Variants in WNK1 observed in about 807,000 individuals in gnomAD.
WNK1 encodes the protein WNK lysine deficient protein kinase 1.
Under a neutral mutation model 222.8 loss-of-function variants are expected in WNK1, and 38 were observed. The ratio of observed to expected loss-of-function variants is 0.17; its 90% CI spans 0.13 to 0.22. The LOEUF (loss-of-function observed/expected upper bound fraction) is 0.22, where lower values mean the gene tolerates loss of function less well. Among genes scored for constraint, WNK1 ranks in the 10% least tolerant of loss-of-function variants. WNK1 has a pLI of 1.00. For missense variants in WNK1, 2,348 were observed against 2,918.4 expected (o/e 0.80, Z 4.50); for synonymous variants, 1,090 against 1,092.9 (o/e 1.00, Z 0.05).
At chr12:881,143 A>G (rs1259071854) in intron 12 of WNK1, 144 bp downstream of exon 12, 1 of 1,101,284 alleles carries the variant, frequency 9.1e-7, no homozygotes, top group Non-Finnish European at 1.3e-6. Context: ...TTTTTCTTAC[A>G]GCAGAATGAA....
chr12:884,239 T>A lies in WNK1; in HGVS notation c.3840T>A (p.Asp1280Glu). Residue 1280 changes from aspartate (D) to glutamate (E), a missense_variant, in exon 18 of 28, where the codon GAT (aspartate) becomes GAA (glutamate). Asp to Glu is a conservative substitution (Grantham distance 45). Transcript: ENST00000315939. The surrounding 1 kb of genome is among the most constrained non-coding windows in gnomAD (Gnocchi z 5.6). ...ESKVFPSEIT[D>E]TVAASTAQSP... ...AAGTTTTCCCCAGTGAAATAACAGA[T>A]ACAGGTAAGGGATTGATTCTGCCAC... The A allele has an allele frequency of 3.1e-6, 5 of 1,614,098 alleles. No homozygotes were observed. Among genetic ancestry groups the A allele is most frequent in the Non-Finnish European group, 3.4e-6 (4 of 1,179,964 alleles).
At chr12:867,953 T>C in intron 8 of WNK1, 1 of 1,614,010 alleles carries the variant, frequency 6.2e-7, no homozygotes, top group Non-Finnish European at 8.5e-7. Context: ...ACGTCCAGTT[T>C]CTTTTTCACC....
At chr12:794,994 C>T (rs1945171600) in intron 1 of WNK1, among the ~76,000 whole-genome samples, 1 of 152,096 alleles carries the variant, frequency 6.6e-6, no homozygotes. Context: ...TCAAGTGATC[C>T]TCCTGCCTTG....
chr12:877,596 A>G (rs1466532352), intron 9 of WNK1, among the ~76,000 whole-genome samples: 1 of 152,202 alleles, frequency 6.6e-6, no homozygotes, highest in African/African-American at 2.4e-5. Context: ...TTAAAAAATA[A>G]TGTCCTTGTT....
At chr12:809,737 A>G (rs931171731) in intron 1 of WNK1, among the ~76,000 whole-genome samples, 1 of 152,194 alleles carries the variant, frequency 6.6e-6, no homozygotes, top group African/African-American at 2.4e-5. Flanking sequence ...CTGTTATACC[A>G]TATAGGCCTA....
At chr12:813,511 T>TA (rs1354825711) in intron 1 of WNK1, 131 bp from the exon 2 acceptor site, 5 of 919,274 alleles carry the variant, frequency 5.4e-6, no homozygotes, top group Admixed American at 4.8e-5. Flanking sequence ...ATCTATCATT[T>TA]ATAACTTCAG....
At chr12:900,760 T>G in intron 26 of WNK1, 90 bp downstream of exon 26, 1 of 1,476,046 alleles carries the variant, frequency 6.8e-7, no homozygotes. Context: ...GTTGGGAGAC[T>G]AGCTGACCAG....
At chr12:794,243 C>A (rs1047501398) in intron 1 of WNK1, among the ~76,000 whole-genome samples, 1 of 152,076 alleles carries the variant, frequency 6.6e-6, no homozygotes, top group African/African-American at 2.4e-5. Flanking sequence ...TTTATATTAA[C>A]ATATACTTGA....
rs765053591 is a variant in WNK1 at position 884,611 on chromosome 12, A to G, written c.3845-38A>G. The stretch of plus-strand genomic sequence containing the variant: ...ACAATCTTTTGAATCCATCCTTTTA[A>G]AATCAGCTGATTCTTATCTTTTTGT... On this transcript the variant is annotated intron_variant, in intron 18 of 27. Coordinates refer to ENST00000315939, the MANE Select transcript of WNK1 (RefSeq NM_018979.4). The surrounding 1 kb of genome is among the most constrained non-coding windows in gnomAD (Gnocchi z 5.6). 4.4e-6 allele frequency: 7 copies of G among 1,594,350 alleles called. No individual in the cohort carries two copies. In the South Asian group the frequency reaches 7.7e-5, roughly 18 times the overall value.
chr12:868,707 AGGT>A, intron 8 of WNK1: 2 of 1,613,940 alleles, frequency 1.2e-6, no homozygotes, highest in Non-Finnish European at 1.7e-6. Context: ...CGAAATCGGC[AGGT>A]TGCAGTGGAC....
At chr12:797,501 A>G (rs1945424784) in intron 1 of WNK1, among the ~76,000 whole-genome samples, 1 of 152,188 alleles carries the variant, frequency 6.6e-6, no homozygotes, top group Admixed American at 6.5e-5. Context: ...AGCAATCCTA[A>G]TGATAGTATG....
At chr12:816,418 C>T (rs895369863) in intron 2 of WNK1, among the ~76,000 whole-genome samples, 2 of 151,816 alleles carry the variant, frequency 1.3e-5, no homozygotes, top group Non-Finnish European at 2.9e-5. Context: ...TATAGTTGCT[C>T]ACCACCATAC....
At chr12:889,704 G>A (rs1954023609) in intron 21 of WNK1, among the ~76,000 whole-genome samples, 1 of 152,132 alleles carries the variant, frequency 6.6e-6, no homozygotes, top group Non-Finnish European at 1.5e-5. Context: ...TGTAGTCCCA[G>A]CTACTCGGGA....
chr12:753,263 C>A lies in WNK1; in HGVS notation c.-303C>A, dbSNP rs1591538607. 8.2e-6 allele frequency: 3 copies of A among 365,452 alleles called. No homozygotes were observed. Among genetic ancestry groups the A allele is most frequent in the Non-Finnish European group, 1.5e-5 (3 of 202,260 alleles). 22.6% of individuals were successfully genotyped at this position (365,452 alleles called of 1,614,324 possible). ...CTGCTGCCACCGCCCGCCCGGCCGC[C>A]GCTCGCCGCAGGATGGATGCGGACC... On this transcript the variant is annotated 5_prime_UTR_variant, in exon 1 of 28. Transcript: ENST00000315939. The surrounding 1 kb of genome is among the most constrained non-coding windows in gnomAD (Gnocchi z 5.2).
chr12:895,417 ATTTAT>A (rs913269778), intron 23 of WNK1, among the ~76,000 whole-genome samples: 21 of 152,036 alleles, frequency 1.4e-4, no homozygotes, highest in Admixed American at 1.2e-3. Flanking sequence ...TGCCTTGCTA[ATTTAT>A]TTTATTTATT....
chr12:838,829 T>C (rs1338961124), intron 4 of WNK1, among the ~76,000 whole-genome samples: 1 of 152,152 alleles, frequency 6.6e-6, no homozygotes, highest in Admixed American at 6.5e-5. Context: ...AAAATTCATA[T>C]TGTAAGGTAC....
intron 1 of WNK1, among the ~76,000 whole-genome samples, chr12:766,368 T>C (rs1941694599): frequency 6.6e-6 from 1 of 152,240 alleles, no homozygotes; most frequent in Admixed American, 6.5e-5. Context: ...AAGGATGAGA[T>C]GGATAGATGA....
rs554325909 is a variant in WNK1, at chr12:882,590, G to A, written c.3373-353G>A. Among the ~76,000 whole-genome samples the A allele has an allele frequency of 5.9e-5, 9 of 152,166 alleles. No homozygotes were observed. In the South Asian group the frequency reaches 1.9e-3, roughly 32 times the overall value. On this transcript the variant is annotated intron_variant, in intron 14 of 27. Transcript: ENST00000315939. The stretch of plus-strand genomic sequence containing the variant: ...AAGGTAGTTCATAAAGCTATGATAG[G>A]GCCAGCAGTTAATATCATTTAAATA...
At chr12:754,423 T>A in intron 1 of WNK1, 99 bp downstream of exon 1, 1 of 1,525,736 alleles carries the variant, frequency 6.6e-7, no homozygotes, top group East Asian at 2.2e-5. Context: ...CATTCTCTGT[T>A]GGACTCCGAG....
Sources: gnomAD v4.1 joint callset for allele counts (sites outside exome capture counted in the v4.1 genomes callset) on GRCh38, gnomAD v4.1.1 for gene constraint, Gnocchi (gnomAD v3.1) non-coding constraint, MANE v1.5 for transcripts, NCBI Gene and HGNC (gene_info 2026-07-23, HGNC 2026-07-21) for gene names.